The following ZEB1 variants were observed in gnomAD, a reference collection of about 807,000 sequenced individuals.
ZEB1 encodes zinc finger E-box binding homeobox 1.
ZEB1 carries 21 observed loss-of-function variants against 84.9 expected under a neutral mutation model. The ratio of observed to expected loss-of-function variants is 0.25; its 90% CI spans 0.18 to 0.36. The LOEUF (loss-of-function observed/expected upper bound fraction) is 0.36, where lower values mean the gene tolerates loss of function less well. Ranked by LOEUF, ZEB1 falls within the 10% of genes least tolerant of loss-of-function variation. ZEB1 has a pLI of 1.00. For missense variants in ZEB1, 1,104 were observed against 1,330.2 expected, an observed-to-expected ratio of 0.83 and a Z score of 2.65; for synonymous variants, 420 against 471.1, an observed-to-expected ratio of 0.89 and a Z score of 1.41.
rs528457079 is a variant in ZEB1 at position 31,486,750 on chromosome 10, C to G, written c.260-9026C>G. 1.7e-4 allele frequency among the ~76,000 whole-genome samples: 26 copies of G among 151,314 alleles called. No individual in the cohort carries two copies. In the South Asian group the frequency reaches 5.0e-3, roughly 29 times the overall value. On this transcript the variant is annotated intron_variant, in intron 2 of 8. Coordinates refer to ENST00000424869, the MANE Select transcript of ZEB1 (RefSeq NM_001174096.2). ...GTAGCTTGTCTTTTCATTCTCTTATCCTAGTCTTTCACAGAACAAAAGTTT... is the reference window on the plus strand; with the variant it reads ...GTAGCTTGTCTTTTCATTCTCTTATGCTAGTCTTTCACAGAACAAAAGTTT...
intron 1 of ZEB1, among the ~76,000 whole-genome samples, chr10:31,405,955 G>A (rs2052930810): frequency 6.6e-6 from 1 of 152,038 alleles, no homozygotes; most frequent in Non-Finnish European, 1.5e-5. Flanking sequence ...TTGGTTTTCT[G>A]TTCCTGCGTT....
At chr10:31,512,782 A>G (rs1218079026) in intron 5 of ZEB1, among the ~76,000 whole-genome samples, 1 of 152,194 alleles carries the variant, frequency 6.6e-6, no homozygotes, top group African/African-American at 2.4e-5. Context: ...GAAAGCTGCT[A>G]GGTTTCACAG....
intron 2 of ZEB1, among the ~76,000 whole-genome samples, chr10:31,465,795 A>T (rs2062349889): frequency 1.3e-5 from 2 of 152,096 alleles, no homozygotes; most frequent in African/African-American, 2.4e-5. Context: ...AAAAAAAAAA[A>T]AACTTTCATG....
chr10:31,375,584 C>G (rs573190158), intron 1 of ZEB1, among the ~76,000 whole-genome samples: 68 of 151,762 alleles, frequency 4.5e-4, no homozygotes, highest in African/African-American at 1.5e-3. Context: ...CAAAATTCTA[C>G]CAATAGTCAT....
At chr10:31,340,286 A>C (rs1448036233) in intron 1 of ZEB1, among the ~76,000 whole-genome samples, 1 of 152,108 alleles carries the variant, frequency 6.6e-6, no homozygotes, top group Non-Finnish European at 1.5e-5. Flanking sequence ...TATTTTTTTC[A>C]GATGTCAAAA....
At chr10:31,350,737 G>C (rs955652724) in intron 1 of ZEB1, among the ~76,000 whole-genome samples, 1 of 151,546 alleles carries the variant, frequency 6.6e-6, no homozygotes, top group Non-Finnish European at 1.5e-5. Flanking sequence ...GGTTTTTTTT[G>C]GGTCTGTTTT....
At chr10:31,496,469 T>G (rs2067252552) in intron 3 of ZEB1, among the ~76,000 whole-genome samples, 1 of 152,050 alleles carries the variant, frequency 6.6e-6, no homozygotes, top group South Asian at 2.1e-4. Flanking sequence ...TGGATTCAGA[T>G]CAGATTTAAG....
intron 1 of ZEB1, among the ~76,000 whole-genome samples, chr10:31,439,154 G>C (rs984802768): frequency 6.6e-6 from 1 of 152,234 alleles, no homozygotes; most frequent in East Asian, 1.9e-4. Context: ...CACATGTATA[G>C]TATGGATACT....
intron 4 of ZEB1, among the ~76,000 whole-genome samples, chr10:31,508,154 C>T (rs1036830252): frequency 6.6e-6 from 1 of 152,068 alleles, no homozygotes; most frequent in Non-Finnish European, 1.5e-5. Context: ...CCAGGTGGAC[C>T]ATTCCTTGGG....
intron 1 of ZEB1, among the ~76,000 whole-genome samples, chr10:31,441,185 C>T (rs1365268841): frequency 1.3e-5 from 2 of 152,184 alleles, no homozygotes; most frequent in Admixed American, 1.3e-4. Context: ...ACCAAAACAG[C>T]ATGGTACTGG....
intron 1 of ZEB1, among the ~76,000 whole-genome samples, chr10:31,364,441 T>C (rs2044053811): frequency 6.6e-6 from 1 of 152,114 alleles, no homozygotes. Flanking sequence ...TGGCCGGCCC[T>C]GTCCCCCAGG....
At chr10:31,347,678 C>T (rs767264305) in intron 1 of ZEB1, among the ~76,000 whole-genome samples, 7 of 152,072 alleles carry the variant, frequency 4.6e-5, no homozygotes, top group Non-Finnish European at 1.0e-4. Context: ...GTGGAAATAG[C>T]GTCTCCCCTT....
At chr10:31,332,317 T>G (rs1333860447) in intron 1 of ZEB1, among the ~76,000 whole-genome samples, 1 of 152,176 alleles carries the variant, frequency 6.6e-6, no homozygotes, top group African/African-American at 2.4e-5. Context: ...TGTATATTTT[T>G]TTTTCCTTTT....
intron 2 of ZEB1, among the ~76,000 whole-genome samples, chr10:31,483,004 G>T (rs749236111): frequency 6.6e-6 from 1 of 151,964 alleles, no homozygotes; most frequent in African/African-American, 2.4e-5. Flanking sequence ...GCACATTTCA[G>T]ACCTGGTCGC....
At chr10:31,406,511 T>C (rs995857307) in intron 1 of ZEB1, among the ~76,000 whole-genome samples, 2 of 152,156 alleles carry the variant, frequency 1.3e-5, no homozygotes, top group African/African-American at 4.8e-5. Context: ...GAAGTGTCTG[T>C]TAATATCCTT....
intron 1 of ZEB1, among the ~76,000 whole-genome samples, chr10:31,383,460 T>C (rs2048055303): frequency 6.6e-6 from 1 of 152,228 alleles, no homozygotes; most frequent in Non-Finnish European, 1.5e-5. Flanking sequence ...ATTACAAGTA[T>C]GTACATAACT....
At chr10:31,408,690 A>T (rs1046949393) in intron 1 of ZEB1, among the ~76,000 whole-genome samples, 6 of 145,376 alleles carry the variant, frequency 4.1e-5, no homozygotes, top group South Asian at 2.2e-4. Context: ...CTGGCTAGCC[A>T]TATGTAGAAA....
intron 1 of ZEB1, among the ~76,000 whole-genome samples, chr10:31,364,024 C>T (rs950208489): frequency 6.6e-6 from 1 of 152,208 alleles, no homozygotes; most frequent in Non-Finnish European, 1.5e-5. Context: ...GAACCAGGAA[C>T]AAAATACGCT....
chr10:31,525,874 G>C, intron 8 of ZEB1, among the ~76,000 whole-genome samples: 1 of 152,120 alleles, frequency 6.6e-6, no homozygotes, highest in East Asian at 1.9e-4. Context: ...TTCAGGCAAA[G>C]TTAAATATTA....
Sources: gnomAD v4.1 joint callset for allele counts (sites outside exome capture counted in the v4.1 genomes callset) on GRCh38, gnomAD v4.1.1 for gene constraint, MANE v1.5 for transcripts, NCBI Gene and HGNC (gene_info 2026-07-23, HGNC 2026-07-21) for gene names.